The following PICALM variants were observed in gnomAD, a reference collection of about 807,000 sequenced individuals.
PICALM encodes phosphatidylinositol binding clathrin assembly protein.
A neutral mutation model predicts 80.5 loss-of-function variants in PICALM; 40 were observed. The ratio of observed to expected loss-of-function variants is 0.50; its 90% CI spans 0.39 to 0.65. The LOEUF is 0.65. Ranked by LOEUF, PICALM falls within the 30% of genes least tolerant of loss-of-function variation. The pLI is 0.00. For missense variants in PICALM, 676 were observed against 778.9 expected, an observed-to-expected ratio of 0.87 and a Z score of 1.57; for synonymous variants, 288 against 260.3, an observed-to-expected ratio of 1.11 and a Z score of -1.02.
At chr11:86,045,529 A>G (rs2096058868) in intron 1 of PICALM, among the ~76,000 whole-genome samples, 2 of 143,910 alleles carry the variant, frequency 1.4e-5, no homozygotes, top group Admixed American at 1.4e-4. Context: ...CAAAAAAAAA[A>G]AAAAAAAAAA....
At chr11:85,975,925 G>GA (rs1438811712) in intron 18 of PICALM, among the ~76,000 whole-genome samples, 1 of 151,956 alleles carries the variant, frequency 6.6e-6, no homozygotes, top group African/African-American at 2.4e-5. Context: ...CAATGACTAT[G>GA]AAAAAAAGCT....
chr11:86,024,568 A>T (rs1257728668), intron 3 of PICALM, among the ~76,000 whole-genome samples: 1 of 151,822 alleles, frequency 6.6e-6, no homozygotes, highest in Non-Finnish European at 1.5e-5. Flanking sequence ...ATCTAACTTG[A>T]CTAAGCTATG....
At chr11:85,981,825 T>C (rs780141981) in intron 15 of PICALM, 47 bp downstream of exon 15, 1 of 1,612,012 alleles carries the variant, frequency 6.2e-7, no homozygotes. Flanking sequence ...AGACGCAGTT[T>C]AATAAAACAA....
intron 11 of PICALM, among the ~76,000 whole-genome samples, chr11:85,997,658 ACAGGGTTTCACC>A (rs1003585007): frequency 6.6e-6 from 1 of 152,110 alleles, no homozygotes; most frequent in African/African-American, 2.4e-5. Flanking sequence ...TTTAATAGAG[ACAGGGTTTCACC>A]ATGTTGGCCA....
At chr11:85,998,786 G>A (rs988631919) in intron 11 of PICALM, among the ~76,000 whole-genome samples, 3 of 152,036 alleles carry the variant, frequency 2.0e-5, no homozygotes, top group Non-Finnish European at 2.9e-5. Context: ...TCAAAAGAGA[G>A]AGAGAGATTG....
intron 10 of PICALM, 49 bp downstream of exon 10, chr11:86,000,986 A>AT: frequency 6.2e-7 from 1 of 1,605,958 alleles, no homozygotes; most frequent in Non-Finnish European, 8.5e-7. Flanking sequence ...CATTTACCTA[A>AT]TGAACACCTG....
At chr11:86,005,736 T>A in intron 8 of PICALM, among the ~76,000 whole-genome samples, 1 of 142,270 alleles carries the variant, frequency 7.0e-6, no homozygotes. Context: ...ACCCAAAGAG[T>A]GAAGAAAATG....
Position 86,028,649 on chromosome 11 carries a change from T to C in PICALM, c.274-2282A>G, listed in dbSNP as rs545159085. ...GAAGTGACTTACCCAAGTCACCCAG[T>C]TGGTAAGTGAACAACAGTATAAAAG... On this transcript the variant is annotated intron_variant, in intron 2 of 19. Coordinates refer to ENST00000393346, the MANE Select transcript of PICALM (RefSeq NM_007166.4). Among the ~76,000 whole-genome samples the C allele has an allele frequency of 1.3e-3, 203 of 152,208 alleles. 1 individual carries two copies. Among genetic ancestry groups the C allele is most frequent in the African/African-American group, 4.7e-3 (195 of 41,546 alleles).
chr11:86,059,522 C>T (rs964482805), intron 1 of PICALM, among the ~76,000 whole-genome samples: 5 of 152,096 alleles, frequency 3.3e-5, no homozygotes, highest in African/African-American at 9.7e-5. Flanking sequence ...TAAAAGAGGC[C>T]GAGCATGGTG....
intron 1 of PICALM, among the ~76,000 whole-genome samples, chr11:86,061,317 C>A (rs1179727356): frequency 3.0e-5 from 3 of 100,404 alleles, no homozygotes; most frequent in Non-Finnish European, 3.6e-5. Flanking sequence ...GGAGACAGAG[C>A]AAGACTCCAT....
At chr11:86,015,984 T>C (rs1258445384) in intron 4 of PICALM, among the ~76,000 whole-genome samples, 1 of 152,226 alleles carries the variant, frequency 6.6e-6, no homozygotes, top group African/African-American at 2.4e-5. Context: ...AGTAGTCACC[T>C]ATTGATCAGC....
intron 1 of PICALM, among the ~76,000 whole-genome samples, chr11:86,055,770 T>TA (rs1182175057): frequency 2.0e-5 from 3 of 152,262 alleles, no homozygotes; most frequent in Admixed American, 1.3e-4. Context: ...CTAAAACTCT[T>TA]AGAGTTGTAA....
At chr11:85,995,725 T>G (rs1042169852) in intron 12 of PICALM, among the ~76,000 whole-genome samples, 1 of 152,146 alleles carries the variant, frequency 6.6e-6, no homozygotes, top group African/African-American at 2.4e-5. Flanking sequence ...CTAAAGCAAT[T>G]CACAATAAGG....
At position 86,022,391 on chromosome 11, in the gene PICALM, A is replaced by T; in HGVS notation, c.428T>A (p.Phe143Tyr). 6.3e-7 allele frequency: 1 copy of T among 1,584,656 alleles called. No individual in the cohort carries two copies. The highest frequency in any genetic ancestry group is 8.6e-7 in the Non-Finnish European group (1 of 1,166,964). ...EKAVSYRQVA[F>Y]DFTKVKRGAD... ...CCCTCTCTTCACTTTTGTGAAATCA[A>T]ATGCAACTTGTCTGTATGAAACTGC... Residue 143 changes from phenylalanine (F) to tyrosine (Y), a missense_variant, in exon 4 of 20, where the codon TTT (phenylalanine) becomes TAT (tyrosine). Transcript: ENST00000393346.
chr11:85,961,550 C>A (rs1157525549), intron 19 of PICALM, among the ~76,000 whole-genome samples: 4 of 152,228 alleles, frequency 2.6e-5, no homozygotes, highest in Admixed American at 2.0e-4. Context: ...CTCCCAAACA[C>A]AGACTATTCC....
intron 1 of PICALM, among the ~76,000 whole-genome samples, chr11:86,056,112 G>A (rs959997169): frequency 2.2e-5 from 2 of 91,202 alleles, no homozygotes; most frequent in African/African-American, 8.3e-5. Context: ...TCTAGCCTGG[G>A]TGACAGAACA....
intron 17 of PICALM, among the ~76,000 whole-genome samples, chr11:85,977,813 T>C (rs1029247471): frequency 2.0e-5 from 3 of 152,096 alleles, no homozygotes; most frequent in African/African-American, 7.2e-5. Flanking sequence ...GCAGCACAGA[T>C]ACACACACAG....
intron 1 of PICALM, among the ~76,000 whole-genome samples, chr11:86,048,097 G>A (rs567585673): frequency 2.0e-4 from 31 of 151,526 alleles, no homozygotes; most frequent in Non-Finnish European, 2.8e-4. Flanking sequence ...CCAAAACTCC[G>A]TCTCAAAAAA....
At chr11:86,001,725 C>A (rs1388316808) in intron 9 of PICALM, among the ~76,000 whole-genome samples, 1 of 152,212 alleles carries the variant, frequency 6.6e-6, no homozygotes, top group Non-Finnish European at 1.5e-5. Context: ...ATGTGCTGCC[C>A]TTTTGCCAAA....
Sources: gnomAD v4.1 joint callset for allele counts (sites outside exome capture counted in the v4.1 genomes callset) on GRCh38, gnomAD v4.1.1 for gene constraint, MANE v1.5 for transcripts, NCBI Gene and HGNC (gene_info 2026-07-23, HGNC 2026-07-21) for gene names.